Variants in NRG3 observed in about 807,000 individuals in gnomAD.
The protein encoded by NRG3 is pro-neuregulin-3, membrane-bound isoform.
In NRG3, 31 loss-of-function variants were observed where a neutral mutation model predicts 66.9. That is an observed-to-expected ratio of 0.46 (90% CI 0.35 to 0.63). The LOEUF is 0.63. Ranked by LOEUF, NRG3 falls within the 20% of genes least tolerant of loss-of-function variation. NRG3 has a pLI of 0.00. For synonymous variants in NRG3, 393 were observed against 359.4 expected (o/e 1.09, Z -1.06); for missense variants, 910 against 878.9 (o/e 1.04, Z -0.45).
chr10:82,225,130 T>G (rs2076108418), intron 1 of NRG3, among the ~76,000 whole-genome samples: 1 of 152,066 alleles, frequency 6.6e-6, no homozygotes, highest in Non-Finnish European at 1.5e-5. Flanking sequence ...GGATTATGAT[T>G]AAGACCACAA....
intron 4 of NRG3, among the ~76,000 whole-genome samples, chr10:82,922,655 G>A (rs995720161): frequency 1.3e-5 from 2 of 152,104 alleles, no homozygotes; most frequent in African/African-American, 4.8e-5. Flanking sequence ...AGAAACATGT[G>A]GTTCCACTTA....
At chr10:82,560,419 T>C (rs998548596) in intron 2 of NRG3, among the ~76,000 whole-genome samples, 1 of 151,164 alleles carries the variant, frequency 6.6e-6, no homozygotes, top group African/African-American at 2.4e-5. Context: ...ATTAAATTAA[T>C]TCTTATGTAT....
At chr10:82,786,806 G>A (rs1367020548) in intron 3 of NRG3, among the ~76,000 whole-genome samples, 4 of 152,144 alleles carry the variant, frequency 2.6e-5, no homozygotes, top group Admixed American at 6.5e-5. Context: ...CTGCTTTCAC[G>A]AGTAGGTTAA....
At chr10:82,700,216 G>A (rs2055757463) in intron 2 of NRG3, among the ~76,000 whole-genome samples, 1 of 152,098 alleles carries the variant, frequency 6.6e-6, no homozygotes. Flanking sequence ...ATGGTAGACT[G>A]AGAAATCCAT....
chr10:81,955,266 G>T (rs1307816798), intron 1 of NRG3, among the ~76,000 whole-genome samples: 1 of 151,486 alleles, frequency 6.6e-6, no homozygotes, highest in African/African-American at 2.4e-5. Flanking sequence ...AGCTGGATCT[G>T]GTTAAGTCCA....
Position 82,921,644 on chromosome 10 carries a change from C to G in NRG3, c.1055-29825C>G, listed in dbSNP as rs140323102. 2.2e-3 allele frequency among the ~76,000 whole-genome samples: 329 copies of G among 152,136 alleles called. 1 individual carries two copies. Among genetic ancestry groups the G allele is most frequent in the African/African-American group, 7.4e-3 (308 of 41,526 alleles). ...ATAGAATAAAGAGAAAACATGTAAA[C>G]CATTATTTATTTCATCAGTTTACTT... On this transcript the variant is annotated intron_variant, in intron 4 of 8. Coordinates refer to ENST00000372141, the MANE Select transcript of NRG3 (RefSeq NM_001010848.4).
chr10:82,847,822 T>C (rs1250807199), intron 3 of NRG3, among the ~76,000 whole-genome samples: 1 of 152,192 alleles, frequency 6.6e-6, no homozygotes, highest in African/African-American at 2.4e-5. Flanking sequence ...AAATTGTATT[T>C]TAAGCTCACA....
chr10:82,267,315 A>G (rs2078349215), intron 1 of NRG3, among the ~76,000 whole-genome samples: 1 of 152,198 alleles, frequency 6.6e-6, no homozygotes, highest in Admixed American at 6.5e-5. Flanking sequence ...GTCTCAATCC[A>G]GGGACAATTG....
chr10:82,428,284 G>T (rs1184517592), intron 2 of NRG3, among the ~76,000 whole-genome samples: 1 of 151,736 alleles, frequency 6.6e-6, no homozygotes, highest in Non-Finnish European at 1.5e-5. Flanking sequence ...TTTAGGTTTT[G>T]ATTTGAGATA....
At chr10:82,349,086 A>G (rs1251106948) in intron 1 of NRG3, among the ~76,000 whole-genome samples, 2 of 152,172 alleles carry the variant, frequency 1.3e-5, no homozygotes, top group Non-Finnish European at 2.9e-5. Context: ...TTCTCCATCC[A>G]GCTTTGTTTC....
intron 1 of NRG3, among the ~76,000 whole-genome samples, chr10:81,974,247 A>G (rs543892444): frequency 2.6e-4 from 40 of 152,176 alleles, no homozygotes; most frequent in African/African-American, 9.1e-4. Context: ...TGGCTTCTCT[A>G]TTCTGCTCCA....
At chr10:82,037,516 T>A (rs2062839641) in intron 1 of NRG3, among the ~76,000 whole-genome samples, 1 of 152,180 alleles carries the variant, frequency 6.6e-6, no homozygotes, top group African/African-American at 2.4e-5. Context: ...TCTCTCCTTT[T>A]CCCTTCTTTG....
At chr10:82,049,902 C>A (rs1039185367) in intron 1 of NRG3, among the ~76,000 whole-genome samples, 1 of 151,992 alleles carries the variant, frequency 6.6e-6, no homozygotes, top group Admixed American at 6.6e-5. Context: ...CCCTAGGAAT[C>A]TAAGAATTGT....
intron 1 of NRG3, among the ~76,000 whole-genome samples, chr10:82,249,950 G>A (rs1451392430): frequency 6.6e-6 from 1 of 152,144 alleles, no homozygotes; most frequent in African/African-American, 2.4e-5. Context: ...GGCCCTCTAA[G>A]CCCAATGTGA....
intron 1 of NRG3, among the ~76,000 whole-genome samples, chr10:82,128,999 G>A (rs1396103034): frequency 2.0e-5 from 3 of 151,728 alleles, no homozygotes; most frequent in Non-Finnish European, 2.9e-5. Context: ...CTGCAACCTC[G>A]CCTCTCGGGT....
At chr10:82,373,858 G>C (rs2085046711) in intron 2 of NRG3, among the ~76,000 whole-genome samples, 1 of 152,154 alleles carries the variant, frequency 6.6e-6, no homozygotes. Flanking sequence ...GAAAGAAATA[G>C]TGATTATTTT....
At chr10:82,811,807 G>A (rs1380892135) in intron 3 of NRG3, among the ~76,000 whole-genome samples, 3 of 152,204 alleles carry the variant, frequency 2.0e-5, no homozygotes, top group African/African-American at 7.2e-5. Flanking sequence ...TTCACCAGCA[G>A]TCCTCCAGGG....
At chr10:81,925,210 A>G (rs1846651148) in intron 1 of NRG3, among the ~76,000 whole-genome samples, 1 of 152,244 alleles carries the variant, frequency 6.6e-6, no homozygotes, top group South Asian at 2.1e-4. Context: ...CTTGACAAGC[A>G]TGCAGCCATG....
At chr10:82,873,236 G>C (rs1841505412) in intron 4 of NRG3, among the ~76,000 whole-genome samples, 1 of 152,116 alleles carries the variant, frequency 6.6e-6, no homozygotes. Flanking sequence ...CAGAAATTTG[G>C]AAATGCACAC....
Sources: allele counts gnomAD v4.1 joint callset (sites outside exome capture counted in the v4.1 genomes callset), GRCh38; gene constraint gnomAD v4.1.1; transcripts MANE v1.5; gene names NCBI Gene and HGNC (gene_info 2026-07-23, HGNC 2026-07-21).